PAM: variants seen among roughly 807,000 people sequenced by gnomAD.
PAM encodes the protein peptidylglycine alpha-amidating monooxygenase.
Under a neutral mutation model 122.1 loss-of-function variants are expected in PAM, and 72 were observed. The ratio of observed to expected loss-of-function variants is 0.59; its 90% CI spans 0.49 to 0.72. The LOEUF is 0.72. Among genes scored for constraint, PAM ranks in the 30% least tolerant of loss-of-function variants. The pLI is 0.00. For missense variants in PAM, 1,106 were observed against 1,183.7 expected (o/e 0.93, Z 0.96); for synonymous variants, 389 against 404.4 (o/e 0.96, Z 0.46).
At position 102,960,055 on chromosome 5, in the gene PAM, T is replaced by C; in HGVS notation, c.1086T>C (p.His362=). 1 of 1,533,298 alleles carries C rather than the reference T, an allele frequency of 6.5e-7. No homozygotes were observed. The highest frequency in any genetic ancestry group is 9.0e-7 in the Non-Finnish European group (1 of 1,113,400). 95.0% of individuals were successfully genotyped at this position (1,533,298 alleles called of 1,614,324 possible). A position where few individuals can be genotyped will look rare whatever the true frequency, so the allele number is the denominator to read the frequency against. The change falls in exon 13 of 26, where the codon CAT becomes CAC. Residue 362 remains histidine, a synonymous_variant. Transcript: ENST00000438793. ...ATATGGTTATGATGCATGAACATCA[T>C]AAAGGTAATAATTGATGTTTAATAT... ...KSDMVMMHEH[H]KETEYKDKIP... is the part of the protein sequence containing the mutation.
chr5:102,910,702 G>A (rs1801134899), intron 4 of PAM, among the ~76,000 whole-genome samples: 1 of 151,754 alleles, frequency 6.6e-6, no homozygotes, highest in Non-Finnish European at 1.5e-5. Flanking sequence ...GGCTGTCTTT[G>A]TTTATTCTGC....
rs1580408303 is a variant in PAM, at chr5:102,810,251, T to C, written c.-374+54903T>C. 2.0e-5 allele frequency among the ~76,000 whole-genome samples: 3 copies of C among 152,220 alleles called. No homozygotes were observed. In the South Asian group the frequency reaches 6.2e-4, roughly 31 times the overall value. On this transcript the variant is annotated intron_variant, in intron 1 of 25. Coordinates refer to ENST00000438793, the MANE Select transcript of PAM (RefSeq NM_001177306.2). ...AATATCCACGAAAATACACTTTTGC[T>C]GACTTGATTGATATGAGCAGCACTA...
rs768823785 is a variant in PAM at position 103,028,888 on chromosome 5, A to G, written c.2745A>G (p.Gly915=). Residue 915 remains glycine, a splice_region_variant and synonymous_variant, in exon 26 of 26, where the codon GGA becomes GGG. Coordinates refer to ENST00000438793, the MANE Select transcript of PAM (RefSeq NM_001177306.2). ...SSGRVLGRFR[G]KGSGGLNLGN... ...CTGTTATTGTTTGCTTTTTTTCAGGAAAGGGAAGTGGAGGCTTAAACCTTG... is the reference window on the plus strand; with the variant it reads ...CTGTTATTGTTTGCTTTTTTTCAGGGAAGGGAAGTGGAGGCTTAAACCTTG... 8 of 1,594,968 alleles carry G rather than the reference A, an allele frequency of 5.0e-6. No homozygotes were observed. Among genetic ancestry groups the G allele is most frequent in the Non-Finnish European group, 6.8e-6 (8 of 1,173,564 alleles).
At chr5:102,865,072 G>T (rs1437497152) in intron 1 of PAM, among the ~76,000 whole-genome samples, 3 of 152,138 alleles carry the variant, frequency 2.0e-5, no homozygotes, top group Non-Finnish European at 4.4e-5. Context: ...TTCTAATTAT[G>T]TTGTAAAACT....
intron 7 of PAM, among the ~76,000 whole-genome samples, chr5:102,937,028 G>A (rs1181577576): frequency 6.6e-6 from 1 of 152,078 alleles, no homozygotes; most frequent in African/African-American, 2.4e-5. Context: ...AGCTTTGAAA[G>A]AAGAAAATGC....
At chr5:102,907,184 A>G (rs562561476) in intron 4 of PAM, among the ~76,000 whole-genome samples, 4 of 151,870 alleles carry the variant, frequency 2.6e-5, no homozygotes, top group Admixed American at 6.6e-5. Context: ...ATGGTACATC[A>G]TTGTCCATAC....
intron 7 of PAM, among the ~76,000 whole-genome samples, chr5:102,939,007 T>G (rs1441881410): frequency 6.6e-6 from 1 of 152,176 alleles, no homozygotes; most frequent in African/African-American, 2.4e-5. Context: ...ATTTCCCGTT[T>G]AGTACTAATT....
chr5:103,018,770 A>G lies in PAM; in HGVS notation c.2432-1020A>G, dbSNP rs140278253. ...TAGGAACATGATTCCTGAACTCATT[A>G]ATATTTCAATCTGAGGCCCTGTATA... is the stretch of plus-strand genomic sequence containing the variant. On this transcript the variant is annotated intron_variant, in intron 22 of 25. Coordinates refer to ENST00000438793, the MANE Select transcript of PAM (RefSeq NM_001177306.2). Among the ~76,000 whole-genome samples, 5 of 152,330 alleles carry G rather than the reference A, an allele frequency of 3.3e-5. No individual in the cohort carries two copies. In the East Asian group the frequency reaches 9.6e-4, roughly 29 times the overall value.
intron 15 of PAM, among the ~76,000 whole-genome samples, chr5:102,979,971 G>A (rs1769204874): frequency 6.6e-6 from 1 of 151,646 alleles, no homozygotes; most frequent in South Asian, 2.1e-4. Flanking sequence ...AGATTTCAGG[G>A]GTTCTTTCAA....
At chr5:102,830,966 A>T (rs1220549592) in intron 1 of PAM, among the ~76,000 whole-genome samples, 1 of 152,168 alleles carries the variant, frequency 6.6e-6, no homozygotes, top group Non-Finnish European at 1.5e-5. Flanking sequence ...AGCTCTCTCA[A>T]TTAATAGGTC....
chr5:102,951,277 A>G (rs917917535), intron 12 of PAM, among the ~76,000 whole-genome samples: 3 of 152,098 alleles, frequency 2.0e-5, no homozygotes, highest in African/African-American at 7.2e-5. Context: ...AAGGATAATA[A>G]TATGCAACAC....
At chr5:102,841,200 C>G (rs1235568491) in intron 1 of PAM, among the ~76,000 whole-genome samples, 1 of 152,120 alleles carries the variant, frequency 6.6e-6, no homozygotes, top group African/African-American at 2.4e-5. Flanking sequence ...CTAATTCTTT[C>G]AGGCAACTCA....
At position 102,865,999 on chromosome 5, in the gene PAM, C is replaced by A. The variant is rs893090806; in HGVS notation, c.-197C>A. The A allele has an allele frequency of 1.1e-5, 5 of 454,130 alleles. No individual in the cohort carries two copies. The highest frequency in any genetic ancestry group is 1.9e-5 in the Non-Finnish European group (5 of 261,886). The allele number at this position is 454,130 out of a possible 1,614,324, so 28.1% of individuals were successfully genotyped here. On this transcript the variant is annotated 5_prime_UTR_variant, in exon 2 of 26. Coordinates refer to ENST00000438793, the MANE Select transcript of PAM (RefSeq NM_001177306.2). ...GTCCCGCCTGCCCACGGCTTTTTGC[C>A]CGCCGCTCGTGACCGAGACGCCTCG...
intron 1 of PAM, among the ~76,000 whole-genome samples, chr5:102,832,423 C>T (rs1328467712): frequency 6.6e-6 from 1 of 152,034 alleles, no homozygotes; most frequent in Admixed American, 6.6e-5. Context: ...AGACACCCCA[C>T]TAGATTCCTG....
At chr5:102,900,894 CA>C (rs1006629672) in intron 3 of PAM, among the ~76,000 whole-genome samples, 4 of 151,436 alleles carry the variant, frequency 2.6e-5, no homozygotes, top group Non-Finnish European at 5.9e-5. Context: ...GGAGGGCAAC[CA>C]AAAATAATAA....
intron 15 of PAM, among the ~76,000 whole-genome samples, chr5:102,983,917 C>T (rs1431801810): frequency 2.0e-5 from 3 of 152,128 alleles, no homozygotes; most frequent in East Asian, 3.9e-4. Flanking sequence ...AACAATTCAT[C>T]CAAGAATACT....
Position 102,880,584 on chromosome 5 carries a change from AAGG to A in PAM, c.210+13194_210+13196del, listed in dbSNP as rs1302640776. Among the ~76,000 whole-genome samples, 3 of 152,152 alleles carry A rather than the reference AAGG, an allele frequency of 2.0e-5. No individual in the cohort carries two copies. In the East Asian group the frequency reaches 5.8e-4, roughly 29 times the overall value. ...ATTTTTTCTGCACAATCCCTGGAACAAGGAGAAGATCAAACCTGAAGTTTTAAA... is the reference window on the plus strand; with the variant it reads ...ATTTTTTCTGCACAATCCCTGGAACAAGAAGATCAAACCTGAAGTTTTAAA... On this transcript the variant is annotated intron_variant, in intron 3 of 25. Coordinates refer to ENST00000438793, the MANE Select transcript of PAM (RefSeq NM_001177306.2).
chr5:102,793,141 T>C (rs1762479477), intron 1 of PAM, among the ~76,000 whole-genome samples: 1 of 152,230 alleles, frequency 6.6e-6, no homozygotes, highest in South Asian at 2.1e-4. Context: ...GAATTTTTTA[T>C]AGAACACCGA....
At chr5:102,926,776 C>T in intron 7 of PAM, 108 bp downstream of exon 7, 1 of 630,078 alleles carries the variant, frequency 1.6e-6, no homozygotes, top group South Asian at 2.2e-5. Context: ...ACACCCTCTG[C>T]CCACTAGGGG....
Sources: allele counts gnomAD v4.1 joint callset (sites outside exome capture counted in the v4.1 genomes callset), GRCh38; gene constraint gnomAD v4.1.1; transcripts MANE v1.5; gene names NCBI Gene and HGNC (gene_info 2026-07-23, HGNC 2026-07-21).